Variants in ATRN observed in about 807,000 individuals in gnomAD.
The protein encoded by ATRN is attractin-2.
A neutral mutation model predicts 178.7 loss-of-function variants in ATRN; 54 were observed. That is an observed-to-expected ratio of 0.30 (90% CI 0.24 to 0.38). The LOEUF is 0.38. ATRN is among the 10% of genes least tolerant of loss of function. The pLI is 1.00. For missense variants in ATRN, 1,443 were observed against 1,815.1 expected, an observed-to-expected ratio of 0.79 and a Z score of 3.73; for synonymous variants, 636 against 663.0, an observed-to-expected ratio of 0.96 and a Z score of 0.63.
At chr20:3,479,572 T>C (rs547092893) in intron 1 of ATRN, among the ~76,000 whole-genome samples, 1 of 152,320 alleles carries the variant, frequency 6.6e-6, no homozygotes, top group East Asian at 1.9e-4. Flanking sequence ...CAAAGAATTA[T>C]GGATTATCAT....
intron 1 of ATRN, among the ~76,000 whole-genome samples, chr20:3,507,215 GC>G (rs1249815004): frequency 1.3e-5 from 2 of 151,892 alleles, no homozygotes; most frequent in East Asian, 3.9e-4. Context: ...GATCAGCCTG[GC>G]CAAGATAGTG....
chr20:3,533,578 C>T (rs1039614542), intron 1 of ATRN, among the ~76,000 whole-genome samples: 4 of 152,070 alleles, frequency 2.6e-5, no homozygotes, highest in East Asian at 1.9e-4. Flanking sequence ...GAGCTTGAGC[C>T]GCTATCTTGG....
At position 3,471,438 on chromosome 20, in the gene ATRN, T is replaced by A. The variant is rs893714985; in HGVS notation, c.331T>A (p.Cys111Ser). 2.7e-6 allele frequency: 4 copies of A among 1,459,806 alleles called. No individual in the cohort carries two copies. Among genetic ancestry groups the A allele is most frequent in the Non-Finnish European group, 3.6e-6 (4 of 1,113,558 alleles). 90.4% of individuals were successfully genotyped at this position (1,459,806 alleles called of 1,614,324 possible). ...CDRPCVNGGR[C>S]NPGTGQCVCP... ...CCGGCCCTGTGTCAACGGCGGTCGC[T>A]GCAACCCTGGCACCGGCCAGTGCGT... The change falls in exon 1 of 29, where the codon TGC becomes AGC. Residue 111 changes from cysteine to serine, a missense_variant. This residue lies in a region of ATRN where 862 missense variants were observed against 972.1 expected (regional missense o/e 0.89). Transcript: ENST00000262919.
chr20:3,536,125 A>C (rs2085529180), intron 2 of ATRN, among the ~76,000 whole-genome samples: 1 of 152,120 alleles, frequency 6.6e-6, no homozygotes. Context: ...AGACTTTTAA[A>C]GCAGTACTTC....
intron 22 of ATRN, among the ~76,000 whole-genome samples, chr20:3,599,015 G>A (rs529792115): frequency 6.6e-6 from 1 of 152,180 alleles, no homozygotes; most frequent in South Asian, 2.1e-4. Flanking sequence ...TACTATACAA[G>A]TAAATGAAAA....
chr20:3,642,569 A>G (rs1327337174), intron 27 of ATRN, among the ~76,000 whole-genome samples: 1 of 152,158 alleles, frequency 6.6e-6, no homozygotes, highest in East Asian at 1.9e-4. Flanking sequence ...CACTTGATCT[A>G]GGCCACCGCT....
At chr20:3,641,065 C>T (rs185685302) in intron 27 of ATRN, among the ~76,000 whole-genome samples, 1 of 152,184 alleles carries the variant, frequency 6.6e-6, no homozygotes. Context: ...TAGTCAAGCT[C>T]ATAAAGACAG....
chr20:3,599,558 T>G (rs1299542102), intron 22 of ATRN, among the ~76,000 whole-genome samples: 2 of 152,188 alleles, frequency 1.3e-5, no homozygotes, highest in Non-Finnish European at 2.9e-5. Context: ...GCAATACAGG[T>G]TAAAACTGTG....
rs938126184 is a variant in ATRN, at chr20:3,632,374, C to T, written c.3864-1937C>T. The stretch of plus-strand genomic sequence containing the variant: ...AATGCCCTCATAATGCTTGCAGTGC[C>T]CCACATGATCTGCCCTTCACCCTCA... On this transcript the variant is annotated intron_variant, in intron 25 of 28. Transcript: ENST00000262919. The surrounding 1 kb of genome is among the most constrained non-coding windows in gnomAD (Gnocchi z 4.2). Among the ~76,000 whole-genome samples, 3 of 152,094 alleles carry T rather than the reference C, an allele frequency of 2.0e-5. No individual in the cohort carries two copies. Among genetic ancestry groups the T allele is most frequent in the Non-Finnish European group, 4.4e-5 (3 of 68,024 alleles).
chr20:3,578,490 G>A lies in ATRN; in HGVS notation c.2354-92G>A, dbSNP rs144038108. Reference sequence around the variant, plus strand: ...AGTACCTAGAATTTAAATTAGAAAGGCCATTTCGGTATTCAGTAATTTGAA... The same window carrying A: ...AGTACCTAGAATTTAAATTAGAAAGACCATTTCGGTATTCAGTAATTTGAA... On this transcript the variant is annotated intron_variant, in intron 14 of 28. Coordinates refer to ENST00000262919, the MANE Select transcript of ATRN (RefSeq NM_139321.3). The A allele has an allele frequency of 8.7e-4, 1,011 of 1,157,144 alleles. 12 individuals carry two copies. The East Asian group carries it at 0.018, about 21-fold the overall frequency. The allele number at this position is 1,157,144 out of a possible 1,614,324, so 71.7% of individuals were successfully genotyped here.
intron 1 of ATRN, among the ~76,000 whole-genome samples, chr20:3,518,358 C>T (rs745771604): frequency 3.7e-4 from 56 of 152,152 alleles, no homozygotes; most frequent in Non-Finnish European, 6.3e-4. Flanking sequence ...GGACAAGTCC[C>T]GGCCCAACTT....
intron 13 of ATRN, 92 bp from the exon 14 acceptor site, chr20:3,576,767 A>G (rs2086217985): frequency 2.2e-6 from 3 of 1,364,062 alleles, no homozygotes; most frequent in East Asian, 4.7e-5. Context: ...TGCTTCCTCA[A>G]TTAGATTTTG....
intron 1 of ATRN, among the ~76,000 whole-genome samples, chr20:3,512,935 G>A (rs1433136110): frequency 6.6e-6 from 1 of 152,074 alleles, no homozygotes; most frequent in African/African-American, 2.4e-5. Context: ...CATATCCTTT[G>A]CCCACTTTTT....
At chr20:3,512,107 A>ATATATATATATATATATATATAT in intron 1 of ATRN, among the ~76,000 whole-genome samples, 9 of 106,394 alleles carry the variant, frequency 8.5e-5, no homozygotes, top group Non-Finnish European at 1.6e-4. Flanking sequence ...ATATATATAT[A>ATATATATATATATATATATATAT]TTTTTTTTTT....
chr20:3,601,384 C>T (rs911015790), intron 23 of ATRN, among the ~76,000 whole-genome samples: 1 of 152,104 alleles, frequency 6.6e-6, no homozygotes, highest in South Asian at 2.1e-4. Flanking sequence ...TGTCTACATT[C>T]GTGCTTCGGA....
chr20:3,616,626 G>A (rs6139166), intron 24 of ATRN, among the ~76,000 whole-genome samples: 3 of 152,216 alleles, frequency 2.0e-5, no homozygotes, highest in East Asian at 3.9e-4. Context: ...TGAAGAGACT[G>A]GAGATTGCAG....
rs545882994 is a variant in ATRN, at chr20:3,512,387, T to C, written c.411-22866T>C. 2.7e-3 allele frequency among the ~76,000 whole-genome samples: 408 copies of C among 151,894 alleles called. 1 individual carries two copies. Among genetic ancestry groups the C allele is most frequent in the Middle Eastern group, 6.8e-3 (2 of 294 alleles). On this transcript the variant is annotated intron_variant, in intron 1 of 28. Coordinates refer to ENST00000262919, the MANE Select transcript of ATRN (RefSeq NM_139321.3). ...GTTTTTTGTCCTTGCGATAGTTTGC[T>C]GAGAATGATGGTTTCCAGCTTCATC...
intron 1 of ATRN, among the ~76,000 whole-genome samples, chr20:3,526,720 A>T (rs1447694683): frequency 6.6e-6 from 1 of 152,216 alleles, no homozygotes; most frequent in Non-Finnish European, 1.5e-5. Flanking sequence ...ACAGCATGAT[A>T]CCAAAACAGA....
intron 1 of ATRN, chr20:3,489,980 C>T: frequency 1.0e-6 from 1 of 995,936 alleles, no homozygotes; most frequent in South Asian, 1.3e-5. Flanking sequence ...TCCTTGCTTG[C>T]TTGCACTGTG....
Sources: gnomAD v4.1 joint callset for allele counts (sites outside exome capture counted in the v4.1 genomes callset) on GRCh38, gnomAD v4.1.1 for gene constraint, gnomAD v4.1.1 regional missense constraint, Gnocchi (gnomAD v3.1) non-coding constraint, MANE v1.5 for transcripts, NCBI Gene and HGNC (gene_info 2026-07-23, HGNC 2026-07-21) for gene names.